Variants in PSMD11 observed in about 807,000 individuals in gnomAD.
The protein encoded by PSMD11 is proteasome 26S subunit, non-ATPase 11.
Under a neutral mutation model 62.3 loss-of-function variants are expected in PSMD11, and 5 were observed. That is an observed-to-expected ratio of 0.08 (90% CI 0.04 to 0.17). PSMD11 has a LOEUF of 0.17. PSMD11 is among the 10% of genes least tolerant of loss of function. The pLI is 1.00. For missense variants in PSMD11, 310 were observed against 512.9 expected (o/e 0.60, Z 3.82); for synonymous variants, 191 against 191.8 (o/e 1.00, Z 0.03).
intron 6 of PSMD11, among the ~76,000 whole-genome samples, 177 bp downstream of exon 6, chr17:32,469,370 A>G (rs1908092742): frequency 6.6e-6 from 1 of 152,198 alleles, no homozygotes; most frequent in South Asian, 2.1e-4. Flanking sequence ...TTAACTGCCT[A>G]AAATGTATTA....
rs1285107485 is a variant in PSMD11 at position 32,482,606 on chromosome 17, A to G, written c.*1854A>G. 6.6e-6 allele frequency: 1 copy of G among 152,278 alleles called. No homozygotes were observed. The highest frequency in any genetic ancestry group is 1.5e-5 in the Non-Finnish European group (1 of 68,088). 9.4% of individuals were successfully genotyped at this position (152,278 alleles called of 1,614,324 possible). On this transcript the variant is annotated 3_prime_UTR_variant, in exon 14 of 14. Transcript: ENST00000261712. The stretch of plus-strand genomic sequence containing the variant: ...TTCAGGTGTCTTCTTCCAGGGCAGC[A>G]TGGTCCAGTGAGCACATGTAAGTTT...
chr17:32,479,959 T>C (rs976077004), intron 11 of PSMD11, 73 bp downstream of exon 11: 35 of 1,544,078 alleles, frequency 2.3e-5, no homozygotes, highest in Admixed American at 3.3e-5. Flanking sequence ...ATGCACCTGA[T>C]TGGCCTCATT....
At chr17:32,452,491 G>A (rs747348228) in intron 2 of PSMD11, among the ~76,000 whole-genome samples, 18 of 152,186 alleles carry the variant, frequency 1.2e-4, no homozygotes, top group Non-Finnish European at 2.5e-4. Flanking sequence ...CATTTCAGAA[G>A]GGATGCTTAT....
chr17:32,469,755 C>T (rs766876376), intron 6 of PSMD11, among the ~76,000 whole-genome samples: 1 of 151,782 alleles, frequency 6.6e-6, no homozygotes, highest in Non-Finnish European at 1.5e-5. Context: ...GAATTGGAAG[C>T]AGAAGACGAG....
intron 3 of PSMD11, among the ~76,000 whole-genome samples, chr17:32,461,635 TAA>T (rs61260240): frequency 4.2e-5 from 6 of 143,528 alleles, no homozygotes; most frequent in Admixed American, 1.4e-4. Context: ...CCAGTTCGTG[TAA>T]AAAAAAAAAA....
At chr17:32,465,085 T>G (rs755566348) in intron 5 of PSMD11, among the ~76,000 whole-genome samples, 30 of 143,666 alleles carry the variant, frequency 2.1e-4, no homozygotes, top group Non-Finnish European at 4.0e-4. Flanking sequence ...TCTTCTCTGC[T>G]TTTTTTTTTT....
At chr17:32,450,303 G>A (rs907608545) in intron 2 of PSMD11, among the ~76,000 whole-genome samples, 3 of 151,444 alleles carry the variant, frequency 2.0e-5, no homozygotes, top group Non-Finnish European at 4.4e-5. Context: ...TGCCCAGGCT[G>A]GAGTGCAGTG....
At chr17:32,480,408 C>G in intron 12 of PSMD11, 81 bp from the exon 13 acceptor site, 1 of 1,546,402 alleles carries the variant, frequency 6.5e-7, no homozygotes. Context: ...CACAGTGAGT[C>G]AACTAGGGAG....
rs536687094 is a variant in PSMD11 at position 32,464,176 on chromosome 17, T to C, written c.390+56T>C. ...CTCTAAGCATGAGACAGAGGGTGAA[T>C]GTAAGCAGTACCATCCTTATCAAAA... On this transcript the variant is annotated intron_variant, in intron 4 of 13. Coordinates refer to ENST00000261712, the MANE Select transcript of PSMD11 (RefSeq NM_002815.4). 6 of 1,461,856 alleles carry C rather than the reference T, an allele frequency of 4.1e-6. No individual in the cohort carries two copies. In the African/African-American group the frequency reaches 4.2e-5, roughly 10 times the overall value. 90.6% of individuals were successfully genotyped at this position (1,461,856 alleles called of 1,614,324 possible).
At chr17:32,461,721 T>C (rs1469721650) in intron 3 of PSMD11, among the ~76,000 whole-genome samples, 1 of 152,224 alleles carries the variant, frequency 6.6e-6, no homozygotes. Flanking sequence ...GTGCTGGAGT[T>C]AGGCACAAGT....
At chr17:32,452,345 A>G (rs1452698491) in intron 2 of PSMD11, among the ~76,000 whole-genome samples, 1 of 152,244 alleles carries the variant, frequency 6.6e-6, no homozygotes, top group Non-Finnish European at 1.5e-5. Context: ...TTATGAATTT[A>G]CAATGGGCTG....
intron 6 of PSMD11, among the ~76,000 whole-genome samples, chr17:32,472,037 G>A (rs1908177591): frequency 6.6e-6 from 1 of 152,080 alleles, no homozygotes; most frequent in African/African-American, 2.4e-5. Context: ...CACCACGCCT[G>A]GCTAATTTTT....
intron 6 of PSMD11, among the ~76,000 whole-genome samples, chr17:32,470,293 C>T (rs1376672355): frequency 6.6e-6 from 1 of 151,912 alleles, no homozygotes; most frequent in Non-Finnish European, 1.5e-5. Context: ...GCATGAGCCA[C>T]CATGCCTGGC....
chr17:32,460,981 C>T (rs916416605), intron 3 of PSMD11, among the ~76,000 whole-genome samples: 9 of 152,100 alleles, frequency 5.9e-5, no homozygotes, highest in African/African-American at 2.2e-4. Context: ...GAACCAGACT[C>T]TTGCCAAATA....
Position 32,474,382 on chromosome 17 carries a change from A to G in PSMD11, c.789-382A>G, listed in dbSNP as rs562076159. On this transcript the variant is annotated intron_variant, in intron 7 of 13. Coordinates refer to ENST00000261712, the MANE Select transcript of PSMD11 (RefSeq NM_002815.4). ...ATAAAGAAGTCTACAGAATTATTCA[A>G]TTCTTTTGGGAATAAATGAAATATT... Among the ~76,000 whole-genome samples the G allele has an allele frequency of 3.3e-5, 5 of 152,354 alleles. No individual in the cohort carries two copies. The South Asian group carries it at 6.2e-4, about 19-fold the overall frequency.
chr17:32,455,418 G>A (rs2150830835), intron 3 of PSMD11, among the ~76,000 whole-genome samples: 1 of 152,302 alleles, frequency 6.6e-6, no homozygotes, highest in Admixed American at 6.5e-5. Flanking sequence ...TTTTTTAACG[G>A]GGAACGCAGG....
At chr17:32,467,744 T>C (rs1022508806) in intron 5 of PSMD11, among the ~76,000 whole-genome samples, 1 of 152,244 alleles carries the variant, frequency 6.6e-6, no homozygotes, top group Non-Finnish European at 1.5e-5. Flanking sequence ...CCTGAGTAGC[T>C]AGGACTATAG....
At chr17:32,477,825 T>C (rs1285176127) in intron 9 of PSMD11, 2 of 300,944 alleles carry the variant, frequency 6.6e-6, no homozygotes, top group African/African-American at 4.3e-5. Flanking sequence ...AAAAGTTCTT[T>C]CTGTCCTTTT....
At chr17:32,454,846 A>G (rs1907604608) in intron 3 of PSMD11, 1 of 421,580 alleles carries the variant, frequency 2.4e-6, no homozygotes, top group East Asian at 4.5e-5. Flanking sequence ...TCCTCATTAC[A>G]TCAGGGTCAC....
Sources: allele counts gnomAD v4.1 joint callset (sites outside exome capture counted in the v4.1 genomes callset), GRCh38; gene constraint gnomAD v4.1.1; transcripts MANE v1.5; gene names NCBI Gene and HGNC (gene_info 2026-07-23, HGNC 2026-07-21).